Variants in SLC8A2 observed in about 807,000 individuals in gnomAD.
SLC8A2 encodes the protein sodium/calcium exchanger 2.
A neutral mutation model predicts 70.2 loss-of-function variants in SLC8A2; 14 were observed. That is an observed-to-expected ratio of 0.20 (90% CI 0.13 to 0.31). SLC8A2 has a LOEUF of 0.31. Among genes scored for constraint, SLC8A2 ranks in the 10% least tolerant of loss-of-function variants. The probability of loss-of-function intolerance (pLI) is 1.00; values close to 1 mark genes in which losing one functional copy is unlikely to be tolerated. For missense variants in SLC8A2, 779 were observed against 1,320.1 expected, an observed-to-expected ratio of 0.59 and a Z score of 6.35; for synonymous variants, 575 against 594.3, an observed-to-expected ratio of 0.97 and a Z score of 0.47.
rs569021087 is a variant in SLC8A2 at position 47,430,750 on chromosome 19, G to A, written c.2390-285C>T. ...GATTTCTTTTTTTTTCCTCCGAGACGGAGTTTTGCTCTGTCACCCAGGCTG... is the reference window on the plus strand; with the variant it reads ...GATTTCTTTTTTTTTCCTCCGAGACAGAGTTTTGCTCTGTCACCCAGGCTG... On this transcript the variant is annotated intron_variant, in intron 9 of 9. Transcript: ENST00000236877. This position sits in a 1 kb window ranked among gnomAD's most constrained non-coding sequence, Gnocchi z 5.9. Among the ~76,000 whole-genome samples the A allele has an allele frequency of 1.2e-4, 19 of 152,210 alleles. No homozygotes were observed. Among genetic ancestry groups the A allele is most frequent in the African/African-American group, 4.6e-4 (19 of 41,530 alleles).
intron 4 of SLC8A2, among the ~76,000 whole-genome samples, chr19:47,446,956 C>T (rs944573732): frequency 1.3e-5 from 2 of 152,096 alleles, no homozygotes; most frequent in Non-Finnish European, 2.9e-5. Context: ...CCCCAGACCC[C>T]ATTTTCCTAA....
chr19:47,462,846 C>T (rs1327093160), intron 2 of SLC8A2, among the ~76,000 whole-genome samples: 1 of 152,172 alleles, frequency 6.6e-6, no homozygotes, highest in Non-Finnish European at 1.5e-5. Context: ...CTTCGACCTC[C>T]CAAAGTGCTA....
rs1568440285 is a variant in SLC8A2 at position 47,437,495 on chromosome 19, C to T, written c.2077G>A (p.Glu693Lys). 3 of 1,613,818 alleles carry T rather than the reference C, an allele frequency of 1.9e-6. No individual in the cohort carries two copies. Among genetic ancestry groups the T allele is most frequent in the Non-Finnish European group, 2.5e-6 (3 of 1,179,744 alleles). ...ALVIGTHSWR[E>K]QFLEAITVSA... Reference sequence around the variant, plus strand: ...ACCGTAATTGCCTCTAAAAACTGCTCCCTCCATGAATGGGTCCCAATTACC... The same window carrying T: ...ACCGTAATTGCCTCTAAAAACTGCTTCCTCCATGAATGGGTCCCAATTACC... Residue 693 changes from glutamate to lysine, a missense_variant, in exon 8 of 10, where the codon GAG becomes AAG. Physicochemically the swap from Glu to Lys is moderately conservative, Grantham distance 56. Transcript: ENST00000236877.
At chr19:47,436,107 G>A (rs1599844921) in intron 8 of SLC8A2, among the ~76,000 whole-genome samples, 2 of 152,110 alleles carry the variant, frequency 1.3e-5, no homozygotes, top group African/African-American at 4.8e-5. Context: ...ACACTCCAGG[G>A]CTTCTGTGCT....
chr19:47,438,423 C>A (rs1335760477), intron 6 of SLC8A2, among the ~76,000 whole-genome samples: 11 of 152,092 alleles, frequency 7.2e-5, no homozygotes, highest in Non-Finnish European at 1.6e-4. Context: ...TCATCGTTGC[C>A]ACCCTGATAG....
chr19:47,454,138 C>A (rs867410410), intron 3 of SLC8A2, among the ~76,000 whole-genome samples: 2 of 151,916 alleles, frequency 1.3e-5, no homozygotes, highest in Admixed American at 1.3e-4. Flanking sequence ...AGAGCAAGAC[C>A]CTGTCTCAAA....
intron 5 of SLC8A2, 39 bp from the exon 6 acceptor site, chr19:47,441,225 T>G (rs756125929): frequency 6.2e-7 from 1 of 1,613,042 alleles, no homozygotes; most frequent in Non-Finnish European, 8.5e-7. Flanking sequence ...TGAGATCAGT[T>G]CCCCACGAAG....
intron 8 of SLC8A2, among the ~76,000 whole-genome samples, chr19:47,436,211 C>G (rs187937910): frequency 1.3e-5 from 2 of 152,290 alleles, no homozygotes; most frequent in Admixed American, 1.3e-4. Flanking sequence ...GAAGCCACCC[C>G]CTCCAGGAAG....
chr19:47,466,373 G>T lies in SLC8A2; in HGVS notation c.31C>A (p.Leu11Ile). The T allele has an allele frequency of 7.0e-7, 1 of 1,436,000 alleles. No individual in the cohort carries two copies. Among genetic ancestry groups the T allele is most frequent in the Non-Finnish European group, 9.1e-7 (1 of 1,095,956 alleles). 89.0% of individuals were successfully genotyped at this position (1,436,000 alleles called of 1,614,324 possible). A position where few individuals can be genotyped will look rare whatever the true frequency, so the allele number is the denominator to read the frequency against. Residue 11 changes from leucine (L) to isoleucine (I), a missense_variant, in exon 2 of 10, where the codon CTC becomes ATC. Leu to Ile is a conservative substitution (Grantham distance 5, BLOSUM62 2). Transcript: ENST00000236877. This position sits in a 1 kb window ranked among gnomAD's most constrained non-coding sequence, Gnocchi z 6.9. ...GAGCATGGGGGAGCCGCCAGGAGGA[G>T]TGTGACCCCCACCAAGGCCAGGGGA... MAPLALVGVT[L>I]LLAAPPCSGA... is the part of the protein sequence containing the mutation.
chr19:47,457,797 T>TTTTCTCTTCCTTC (rs1555750060), intron 2 of SLC8A2, among the ~76,000 whole-genome samples: 72 of 95,030 alleles, frequency 7.6e-4, no homozygotes, highest in African/African-American at 1.9e-3. Context: ...TTTTCTTTTC[T>TTTTCTCTTCCTTC]CTTCCTTCCT....
chr19:47,436,018 C>T (rs759108339), intron 8 of SLC8A2, among the ~76,000 whole-genome samples: 1 of 152,250 alleles, frequency 6.6e-6, no homozygotes, highest in African/African-American at 2.4e-5. Flanking sequence ...AGAAATGTGC[C>T]GATTTCCAGC....
chr19:47,437,406 C>T, intron 8 of SLC8A2, 56 bp downstream of exon 8: 2 of 1,211,998 alleles, frequency 1.7e-6, no homozygotes, highest in Non-Finnish European at 1.2e-6. Flanking sequence ...CTCCCCCTTT[C>T]CCTGTGTCTC....
At chr19:47,437,724 G>A (rs757491802) in intron 7 of SLC8A2, 125 bp downstream of exon 7, 47 of 1,250,070 alleles carry the variant, frequency 3.8e-5, no homozygotes, top group East Asian at 1.6e-4. Context: ...TGTGCTGTCC[G>A]TGGTCCTGAC....
rs143392810 is a variant in SLC8A2, at chr19:47,457,061, G to A, written c.1209C>T (p.Tyr403=). ...CGGAGCCGCAGTTCTCCAGGCAGTG[G>A]TAGAGGCTAGGCTCGAAGAAGATGC... ...ASRIFFEPSL[Y]HCLENCGSVL... is the part of the protein sequence containing the mutation. Residue 403 remains tyrosine, a synonymous_variant, in exon 3 of 10, where the codon TAC becomes TAT. Transcript: ENST00000236877. The A allele has an allele frequency of 3.7e-3, 5,905 of 1,599,880 alleles. 37 individuals carry two copies. Among genetic ancestry groups the A allele is most frequent in the Non-Finnish European group, 3.5e-3 (4,054 of 1,173,524 alleles).
At chr19:47,449,844 G>A (rs1967213962) in intron 3 of SLC8A2, among the ~76,000 whole-genome samples, 2 of 151,914 alleles carry the variant, frequency 1.3e-5, no homozygotes, top group African/African-American at 4.8e-5. Context: ...GTGGGCCACG[G>A]TGAAGACTTC....
In SLC8A2 at chr19:47,429,858, G is replaced by T. The variant is rs1966927499; in HGVS notation, c.*231C>A. 4 of 591,450 alleles carry T rather than the reference G, an allele frequency of 6.8e-6. No individual in the cohort carries two copies. In the South Asian group the frequency reaches 8.2e-5, roughly 12 times the overall value. 36.6% of individuals were successfully genotyped at this position (591,450 alleles called of 1,614,324 possible). On this transcript the variant is annotated 3_prime_UTR_variant, in exon 10 of 10. Transcript: ENST00000236877. ...GTCACCAACAGGATGGGCTGGAGTT[G>T]GGGTCACCGCAGGGGAGGAACCGGG...
chr19:47,464,138 G>A (rs558274175), intron 2 of SLC8A2, among the ~76,000 whole-genome samples: 1 of 152,220 alleles, frequency 6.6e-6, no homozygotes, highest in East Asian at 1.9e-4. Context: ...TTTAGATAGA[G>A]TCTCACTCTG....
In SLC8A2 at chr19:47,466,533, G is replaced by A. The variant is rs1237939324; in HGVS notation, c.-16-114C>T. The A allele has an allele frequency of 2.1e-5, 12 of 573,132 alleles. No homozygotes were observed. Among genetic ancestry groups the A allele is most frequent in the African/African-American group, 5.6e-5 (3 of 53,366 alleles). 35.5% of individuals were successfully genotyped at this position (573,132 alleles called of 1,614,324 possible). Reference sequence around the variant, plus strand: ...GGGGAGAAGCTGAGGACCAATGCAGGCAGGATGGGGACTGAGGGCGACAGA... The same window carrying A: ...GGGGAGAAGCTGAGGACCAATGCAGACAGGATGGGGACTGAGGGCGACAGA... On this transcript the variant is annotated intron_variant, in intron 1 of 9. Transcript: ENST00000236877. This position sits in a 1 kb window ranked among gnomAD's most constrained non-coding sequence, Gnocchi z 6.9.
chr19:47,464,889 T>G (rs1967438575), intron 2 of SLC8A2, among the ~76,000 whole-genome samples: 1 of 152,194 alleles, frequency 6.6e-6, no homozygotes, highest in Admixed American at 6.5e-5. Context: ...GTATGCGAGT[T>G]AAGACATGGG....
Sources: allele counts gnomAD v4.1 joint callset (sites outside exome capture counted in the v4.1 genomes callset), GRCh38; gene constraint gnomAD v4.1.1; non-coding constraint Gnocchi (gnomAD v3.1); transcripts MANE v1.5; gene names NCBI Gene and HGNC (gene_info 2026-07-23, HGNC 2026-07-21).